The following FAM168A variants were observed in gnomAD, a reference collection of about 807,000 sequenced individuals.
FAM168A encodes family with sequence similarity 168 member A.
Under a neutral mutation model 28.5 loss-of-function variants are expected in FAM168A, and 3 were observed. That is an observed-to-expected ratio of 0.11 (90% CI 0.05 to 0.27). The LOEUF is 0.27. Ranked by LOEUF, FAM168A falls within the 10% of genes least tolerant of loss-of-function variation. FAM168A has a pLI of 1.00. For missense variants in FAM168A, 222 were observed against 311.5 expected, an observed-to-expected ratio of 0.71 and a Z score of 2.16; for synonymous variants, 122 against 124.2, an observed-to-expected ratio of 0.98 and a Z score of 0.12.
At chr11:73,528,862 TG>T (rs144937706) in intron 1 of FAM168A, among the ~76,000 whole-genome samples, 2,129 of 152,268 alleles carry the variant, frequency 0.014, 33 homozygotes, top group African/African-American at 0.041. Context: ...TCATAAATTT[TG>T]CTTCCTAATA....
At chr11:73,432,723 C>T (rs1867016935) in intron 2 of FAM168A, among the ~76,000 whole-genome samples, 1 of 151,876 alleles carries the variant, frequency 6.6e-6, no homozygotes, top group Admixed American at 6.6e-5. Context: ...ACCAGCCTGA[C>T]AAACAAGGTG....
chr11:73,439,821 A>G lies in FAM168A; in HGVS notation c.71-9051T>C, dbSNP rs868352906. 7.3e-5 allele frequency among the ~76,000 whole-genome samples: 11 copies of G among 151,620 alleles called. No individual in the cohort carries two copies. The Middle Eastern group carries it at 0.011, about 146-fold the overall frequency. ...TATCTTCTAAAACAGATCAAAGAGC[A>G]AGGTGAAATTTTGTGAATCGATAAT... On this transcript the variant is annotated intron_variant, in intron 2 of 7. Coordinates refer to ENST00000356467, the MANE Select transcript of FAM168A (RefSeq NM_015159.3).
At chr11:73,425,150 C>T in intron 3 of FAM168A, 2 of 738,364 alleles carry the variant, frequency 2.7e-6, no homozygotes, top group Admixed American at 3.3e-5. Flanking sequence ...TAGCAGTTTC[C>T]CCCCAGCTTC....
Position 73,578,844 on chromosome 11 carries a change from A to T in FAM168A, c.-19+19079T>A, listed in dbSNP as rs544883935. ...TACTATGAATCTAATCAGGTTTCTA[A>T]ATCTGTATTCACCTTCTCATTTATA... On this transcript the variant is annotated intron_variant, in intron 1 of 7. Transcript: ENST00000356467. Among the ~76,000 whole-genome samples the T allele has an allele frequency of 5.3e-5, 8 of 152,320 alleles. No homozygotes were observed. In the South Asian group the frequency reaches 1.7e-3, roughly 32 times the overall value.
chr11:73,565,679 A>C (rs1355111650), intron 1 of FAM168A, among the ~76,000 whole-genome samples: 1 of 152,210 alleles, frequency 6.6e-6, no homozygotes, highest in Non-Finnish European at 1.5e-5. Flanking sequence ...ATTTCAAAGT[A>C]CTATATGACT....
chr11:73,549,619 T>C (rs909337757), intron 1 of FAM168A, among the ~76,000 whole-genome samples: 4 of 152,194 alleles, frequency 2.6e-5, no homozygotes, highest in Non-Finnish European at 4.4e-5. Context: ...CTCATTTCTG[T>C]ATCCCAGCAC....
At chr11:73,441,111 T>C (rs1024736456) in intron 2 of FAM168A, among the ~76,000 whole-genome samples, 2 of 150,134 alleles carry the variant, frequency 1.3e-5, no homozygotes, top group African/African-American at 5.0e-5. Context: ...CAGGCTGGAG[T>C]GCAGTGGCGC....
chr11:73,439,922 G>A (rs948079474), intron 2 of FAM168A, among the ~76,000 whole-genome samples: 3 of 94,294 alleles, frequency 3.2e-5, no homozygotes, highest in Non-Finnish European at 5.7e-5. Flanking sequence ...TTTTGCTCTT[G>A]TCGCCCAAGC....
At chr11:73,579,897 CA>C (rs1472499410) in intron 1 of FAM168A, among the ~76,000 whole-genome samples, 1 of 152,130 alleles carries the variant, frequency 6.6e-6, no homozygotes, top group East Asian at 1.9e-4. Context: ...GAAGCAAACT[CA>C]ATAATTTTTC....
At chr11:73,409,741 A>G in intron 5 of FAM168A, 80 bp from the exon 6 acceptor site, 2 of 1,437,628 alleles carry the variant, frequency 1.4e-6, no homozygotes, top group Non-Finnish European at 9.4e-7. Flanking sequence ...GCTGAAGGAC[A>G]CAAGGTCCGG....
At chr11:73,539,819 C>G (rs1388868246) in intron 1 of FAM168A, among the ~76,000 whole-genome samples, 1 of 152,182 alleles carries the variant, frequency 6.6e-6, no homozygotes, top group Non-Finnish European at 1.5e-5. Context: ...ATTGCAAGGG[C>G]AGCATCTGTG....
chr11:73,580,653 T>G (rs1264072465), intron 1 of FAM168A: 2 of 385,842 alleles, frequency 5.2e-6, no homozygotes, highest in Non-Finnish European at 9.9e-6. Flanking sequence ...ACACAGAACA[T>G]GTCCTTGTTG....
chr11:73,409,947 T>C (rs762523957), intron 5 of FAM168A, among the ~76,000 whole-genome samples: 9 of 152,200 alleles, frequency 5.9e-5, no homozygotes, highest in Non-Finnish European at 1.3e-4. Context: ...CTTACTGCAA[T>C]GAACTTTTAT....
At chr11:73,484,740 A>C (rs182809079) in intron 1 of FAM168A, among the ~76,000 whole-genome samples, 18 of 144,730 alleles carry the variant, frequency 1.2e-4, no homozygotes, top group African/African-American at 4.3e-4. Flanking sequence ...ATCGATATAT[A>C]GATATATAGA....
intron 1 of FAM168A, among the ~76,000 whole-genome samples, chr11:73,567,056 GAGA>G (rs1299183541): frequency 5.3e-5 from 8 of 152,214 alleles, no homozygotes; most frequent in African/African-American, 1.7e-4. Context: ...GGGTTGGGCT[GAGA>G]AGAAGGAGTC....
intron 1 of FAM168A, among the ~76,000 whole-genome samples, chr11:73,589,071 GA>G (rs1310639930): frequency 6.6e-6 from 1 of 152,060 alleles, no homozygotes; most frequent in Non-Finnish European, 1.5e-5. Context: ...GCAACACTGC[GA>G]AAAAATAAAT....
At chr11:73,523,128 G>A (rs56857598) in intron 1 of FAM168A, among the ~76,000 whole-genome samples, 11,836 of 152,164 alleles carry the variant, frequency 0.078, 559 homozygotes, top group Non-Finnish European at 0.11. Flanking sequence ...GAAGGTTTCT[G>A]CTTTCTCTAG....
At chr11:73,569,519 G>A (rs755434427) in intron 1 of FAM168A, among the ~76,000 whole-genome samples, 17 of 152,178 alleles carry the variant, frequency 1.1e-4, no homozygotes, top group Non-Finnish European at 2.2e-4. Context: ...AGACTATTGT[G>A]TATTCCTAAG....
intron 3 of FAM168A, chr11:73,425,098 G>C (rs751457090): frequency 3.4e-5 from 47 of 1,402,098 alleles, no homozygotes; most frequent in Non-Finnish European, 4.4e-5. Context: ...TTTGTGCAAA[G>C]TTGTATACAT....
Sources: gnomAD v4.1 joint callset for allele counts (sites outside exome capture counted in the v4.1 genomes callset) on GRCh38, gnomAD v4.1.1 for gene constraint, MANE v1.5 for transcripts, NCBI Gene and HGNC (gene_info 2026-07-23, HGNC 2026-07-21) for gene names.